MYO1F: variants seen among roughly 807,000 people sequenced by gnomAD.
MYO1F encodes myosin IF, also known as unconventional myosin-If.
A neutral mutation model predicts 146.6 loss-of-function variants in MYO1F; 60 were observed. The observed-to-expected ratio is 0.41, with a 90% CI of 0.33 to 0.51. The LOEUF is 0.51. MYO1F is among the 20% of genes least tolerant of loss of function. The pLI is 0.25. For missense variants in MYO1F, 1,274 were observed against 1,534.3 expected, an observed-to-expected ratio of 0.83 and a Z score of 2.83; for synonymous variants, 602 against 602.1, an observed-to-expected ratio of 1.00 and a Z score of 0.00.
Position 8,548,323 on chromosome 19 carries a change from G to A in MYO1F, c.1102-6C>T. 2 of 1,603,822 alleles carry A rather than the reference G, an allele frequency of 1.2e-6. No individual in the cohort carries two copies. Among genetic ancestry groups the A allele is most frequent in the Non-Finnish European group, 1.7e-6 (2 of 1,179,826 alleles). On this transcript the variant is annotated splice_region_variant and splice_polypyrimidine_tract_variant and intron_variant, in intron 10 of 27. Coordinates refer to ENST00000644032, the MANE Select transcript of MYO1F (RefSeq NM_012335.4). ...TGCATAGCACGGTTGATGGCCTGCG[G>A]TGTGGGTGGGGACAGGAAGTCAGTG...
Position 8,526,501 on chromosome 19 carries a change from C to G in MYO1F, c.2722G>C (p.Gly908Arg). The stretch of plus-strand genomic sequence containing the variant: ...CCCACGCTGACCGTGAGGGTCCGAC[C>G]GCCAACCTTGAGCACTGCCAAGTCG... ...FGDLAVLKVG[G>R]RTLTVSVGDG... The change falls in exon 24 of 28, where the codon GGT becomes CGT. Residue 908 changes from glycine to arginine, a missense_variant. Transcript: ENST00000644032. 6.3e-7 allele frequency: 1 copy of G among 1,576,600 alleles called. No individual in the cohort carries two copies. Among genetic ancestry groups the G allele is most frequent in the Non-Finnish European group, 8.6e-7 (1 of 1,162,174 alleles).
chr19:8,577,218 C>T lies in MYO1F; in HGVS notation c.3+89G>A. On this transcript the variant is annotated intron_variant, in intron 1 of 27. Transcript: ENST00000644032. This position sits in a 1 kb window ranked among gnomAD's most constrained non-coding sequence, Gnocchi z 4.3. ...AGTCCACCATGCCCCTCCCCTCACCCCAATTTCTGATGGTCATTTTTAGGA... is the reference window on the plus strand; with the variant it reads ...AGTCCACCATGCCCCTCCCCTCACCTCAATTTCTGATGGTCATTTTTAGGA... 1 of 1,517,604 alleles carries T rather than the reference C, an allele frequency of 6.6e-7. No individual in the cohort carries two copies. Among genetic ancestry groups the T allele is most frequent in the Non-Finnish European group, 9.0e-7 (1 of 1,107,950 alleles). 94.0% of individuals were successfully genotyped at this position (1,517,604 alleles called of 1,614,324 possible).
chr19:8,554,303 A>G (rs901732256), intron 4 of MYO1F, among the ~76,000 whole-genome samples, 174 bp downstream of exon 4: 39 of 152,240 alleles, frequency 2.6e-4, no homozygotes, highest in African/African-American at 9.1e-4. Flanking sequence ...AGAATGAATC[A>G]ATAAAATACA....
chr19:8,537,841 G>C (rs1258621017), intron 16 of MYO1F, among the ~76,000 whole-genome samples: 5 of 152,148 alleles, frequency 3.3e-5, no homozygotes, highest in African/African-American at 1.2e-4. Flanking sequence ...GCGATCAACT[G>C]CCTTAGCCTC....
intron 1 of MYO1F, among the ~76,000 whole-genome samples, chr19:8,568,878 G>A (rs565776466): frequency 1.0e-3 from 158 of 152,150 alleles, no homozygotes; most frequent in African/African-American, 3.4e-3. Context: ...CCAAGATTAC[G>A]TCATTGCACT....
chr19:8,534,818 G>T (rs1362937048), intron 19 of MYO1F, among the ~76,000 whole-genome samples: 1 of 151,708 alleles, frequency 6.6e-6, no homozygotes, highest in Non-Finnish European at 1.5e-5. Context: ...GAAGAGACGG[G>T]GTTTCACCAT....
At position 8,550,623 on chromosome 19, in the gene MYO1F, C is replaced by T. The variant is rs998762958; in HGVS notation, c.843G>A (p.Leu281=). 6.2e-7 allele frequency: 1 copy of T among 1,614,136 alleles called. No homozygotes were observed. The highest frequency in any genetic ancestry group is 1.3e-5 in the African/African-American group (1 of 75,050). The stretch of plus-strand genomic sequence containing the variant: ...CACAGAAACTGATGTTCCCCAGGTG[C>T]AAGATCCCCGCCACGAGCTGCAGGA... The part of the protein sequence containing the change: ...QLVLQLVAGI[L]HLGNISFCED... Residue 281 remains leucine, a synonymous_variant, in exon 9 of 28, where the codon TTG becomes TTA. Transcript: ENST00000644032.
At chr19:8,552,003 GCTCCCT>G (rs765795402) in intron 7 of MYO1F, 24 bp downstream of exon 7, 19 of 1,613,840 alleles carry the variant, frequency 1.2e-5, no homozygotes, top group Non-Finnish European at 1.6e-5. Context: ...TCCAGGTGGT[GCTCCCT>G]CTCCCCCGGC....
chr19:8,549,514 A>AT (rs1973514095), intron 10 of MYO1F: 2 of 151,208 alleles, frequency 1.3e-5, no homozygotes, highest in African/African-American at 4.9e-5. Flanking sequence ...TTTTTATTTT[A>AT]TTTATTTATT....
At chr19:8,562,478 A>G (rs1333365297) in intron 1 of MYO1F, among the ~76,000 whole-genome samples, 1 of 151,536 alleles carries the variant, frequency 6.6e-6, no homozygotes, top group African/African-American at 2.4e-5. Context: ...CAGCTGGGAG[A>G]TTTTAGTTTT....
At chr19:8,546,749 A>G (rs112280342) in intron 12 of MYO1F, among the ~76,000 whole-genome samples, 24,786 of 151,538 alleles carry the variant, frequency 0.16, 4,385 homozygotes, top group African/African-American at 0.44. Context: ...CACAATCTCG[A>G]CTCACTACAA....
Position 8,575,163 on chromosome 19 carries a change from G to A in MYO1F, c.3+2144C>T, listed in dbSNP as rs571306387. Among the ~76,000 whole-genome samples the A allele has an allele frequency of 6.7e-5, 10 of 149,290 alleles. No homozygotes were observed. The East Asian group carries it at 8.0e-4, about 12-fold the overall frequency. On this transcript the variant is annotated intron_variant, in intron 1 of 27. Transcript: ENST00000644032. ...GTGATCTTGGCTCACTGCAACCTCC[G>A]CCTCCCGGGTTCAAGCGATTCTCCT...
At chr19:8,563,527 A>C (rs1381306504) in intron 1 of MYO1F, among the ~76,000 whole-genome samples, 1 of 132,868 alleles carries the variant, frequency 7.5e-6, no homozygotes, top group Non-Finnish European at 1.6e-5. Flanking sequence ...TTTTTTTTTG[A>C]GATGGAGTGT....
chr19:8,571,621 G>A (rs562416132), intron 1 of MYO1F, among the ~76,000 whole-genome samples: 82 of 149,236 alleles, frequency 5.5e-4, no homozygotes, highest in African/African-American at 1.9e-3. Flanking sequence ...GTTTTGAGAC[G>A]GAGTCTTGCT....
chr19:8,548,687 G>A (rs1348331867), intron 10 of MYO1F, among the ~76,000 whole-genome samples: 2 of 148,188 alleles, frequency 1.3e-5, no homozygotes, highest in African/African-American at 2.5e-5. Flanking sequence ...TGCAAGCTCC[G>A]CCTCCAGGGT....
chr19:8,564,205 A>AC (rs1272701278), intron 1 of MYO1F, among the ~76,000 whole-genome samples: 3 of 151,608 alleles, frequency 2.0e-5, no homozygotes, highest in African/African-American at 7.3e-5. Flanking sequence ...ACATGGTGAA[A>AC]CCCCGTCTCT....
chr19:8,553,868 T>TCACACACACACACA (rs374157870), intron 4 of MYO1F, among the ~76,000 whole-genome samples: 361 of 121,466 alleles, frequency 3.0e-3, no homozygotes, highest in African/African-American at 0.011. Flanking sequence ...TGAGACTCTG[T>TCACACACACACACA]CACACACACA....
intron 1 of MYO1F, among the ~76,000 whole-genome samples, chr19:8,565,324 A>G (rs982291856): frequency 1.3e-5 from 2 of 151,648 alleles, no homozygotes; most frequent in Admixed American, 6.6e-5. Flanking sequence ...GGGCAGATCA[A>G]CTGAGGTTGG....
chr19:8,573,598 C>T (rs917336298), intron 1 of MYO1F, among the ~76,000 whole-genome samples: 2 of 152,154 alleles, frequency 1.3e-5, no homozygotes, highest in African/African-American at 4.8e-5. Flanking sequence ...CACCTGTAAT[C>T]TCACACTTTG....
Sources: allele counts gnomAD v4.1 joint callset (sites outside exome capture counted in the v4.1 genomes callset), GRCh38; gene constraint gnomAD v4.1.1; non-coding constraint Gnocchi (gnomAD v3.1); transcripts MANE v1.5; gene names NCBI Gene and HGNC (gene_info 2026-07-23, HGNC 2026-07-21).